The following UGT1A6 variants were observed in gnomAD, a reference collection of about 807,000 sequenced individuals.
The protein encoded by UGT1A6 is UDP-glucuronosyltransferase 1A6.
UGT1A6 carries 32 observed loss-of-function variants against 44.4 expected under a neutral mutation model. The observed-to-expected ratio is 0.72, with a 90% CI of 0.54 to 0.97. The LOEUF (loss-of-function observed/expected upper bound fraction) is 0.97, where lower values mean the gene tolerates loss of function less well. UGT1A6 is among the 50% of genes least tolerant of loss of function. The pLI is 0.00. For synonymous variants in UGT1A6, 238 were observed against 248.5 expected (o/e 0.96, Z 0.40); for missense variants, 685 against 661.9 (o/e 1.03, Z -0.38).
intron 1 of UGT1A6, among the ~76,000 whole-genome samples, chr2:233,695,121 T>TTTTCTTTTC (rs1181246228): frequency 3.7e-4 from 38 of 104,018 alleles, no homozygotes; most frequent in African/African-American, 1.3e-3. Flanking sequence ...TAACCAACCC[T>TTTTCTTTTC]TTTCTTTTCT....
chr2:233,750,185 T>G (rs1694383410), intron 1 of UGT1A6, among the ~76,000 whole-genome samples: 1 of 151,838 alleles, frequency 6.6e-6, no homozygotes, highest in African/African-American at 2.4e-5. Flanking sequence ...GATAATGTTG[T>G]GGACAATGAA....
rs573018562 is a variant in UGT1A6 at position 233,765,032 on chromosome 2, G to A, written c.862-2002G>A. On this transcript the variant is annotated intron_variant, in intron 1 of 4. Transcript: ENST00000305139. Reference sequence around the variant, plus strand: ...AATCAGGCTTGGCAGGAGTCCTGCTGTGCAAATTGCGTTTGCTGAGCCCTG... The same window carrying A: ...AATCAGGCTTGGCAGGAGTCCTGCTATGCAAATTGCGTTTGCTGAGCCCTG... 2.6e-5 allele frequency among the ~76,000 whole-genome samples: 4 copies of A among 152,152 alleles called. No homozygotes were observed. In the East Asian group the frequency reaches 7.7e-4, roughly 29 times the overall value.
chr2:233,765,693 AAAT>A (rs1266056248), intron 1 of UGT1A6, among the ~76,000 whole-genome samples: 9 of 147,360 alleles, frequency 6.1e-5, no homozygotes, highest in East Asian at 2.0e-4. Flanking sequence ...AACTTCAAGT[AAAT>A]AATAATAATA....
chr2:233,767,283 C>T (rs1575825850), intron 2 of UGT1A6, 118 bp downstream of exon 2: 2 of 1,571,702 alleles, frequency 1.3e-6, no homozygotes, highest in Non-Finnish European at 1.7e-6. Flanking sequence ...TTCCCTGCCA[C>T]TTCCCAACTA....
intron 2 of UGT1A6, 138 bp from the exon 3 acceptor site, chr2:233,767,711 C>A: frequency 2.6e-6 from 4 of 1,531,084 alleles, no homozygotes; most frequent in Non-Finnish European, 3.5e-6. Context: ...TCCTCAGAAG[C>A]CTTCACAGTT....
chr2:233,691,799 C>A (rs996955976), upstream of UGT1A6: 20 of 224,136 alleles, frequency 8.9e-5, no homozygotes, highest in Admixed American at 2.6e-4. Context: ...ACTTATACTT[C>A]TCAAATCTTA....
At chr2:233,698,897 C>T (rs1008517495) in intron 1 of UGT1A6, among the ~76,000 whole-genome samples, 2 of 152,370 alleles carry the variant, frequency 1.3e-5, no homozygotes. Context: ...TACCTGCCTC[C>T]TCTGCCCAAG....
In UGT1A6 at chr2:233,693,106, G is replaced by T; in HGVS notation, c.102G>T (p.Gln34His). Residue 34 changes from glutamine to histidine, a missense_variant, in exon 1 of 5, where the codon CAG becomes CAT. Gln to His is a conservative substitution (Grantham distance 24). Coordinates refer to ENST00000305139, the MANE Select transcript of UGT1A6 (RefSeq NM_001072.4). ...GTGACAAGCTGCTGGTGGTCCCTCA[G>T]GACGGAAGCCACTGGCTTAGTATGA... is the stretch of plus-strand genomic sequence containing the variant. Reference protein sequence around the residue: ...VVGDKLLVVPQDGSHWLSMKD... With the variant: ...VVGDKLLVVPHDGSHWLSMKD... The T allele has an allele frequency of 1.2e-6, 2 of 1,614,158 alleles. No individual in the cohort carries two copies. Among genetic ancestry groups the T allele is most frequent in the Non-Finnish European group, 8.5e-7 (1 of 1,180,036 alleles).
At chr2:233,741,446 CAGTG>C (rs1388534811) in intron 1 of UGT1A6, 2 of 149,546 alleles carry the variant, frequency 1.3e-5, no homozygotes, top group African/African-American at 2.6e-5. Flanking sequence ...GCAAACTACT[CAGTG>C]AGTATCTTCA....
chr2:233,716,347 A>G (rs553481332), intron 1 of UGT1A6, among the ~76,000 whole-genome samples: 2 of 152,336 alleles, frequency 1.3e-5, no homozygotes, highest in East Asian at 1.9e-4. Flanking sequence ...CGCAACTACA[A>G]TGTAGATACT....
intron 1 of UGT1A6, among the ~76,000 whole-genome samples, chr2:233,758,934 A>T (rs1366675557): frequency 1.3e-5 from 2 of 152,238 alleles, no homozygotes; most frequent in Non-Finnish European, 2.9e-5. Context: ...TTTTGACTTC[A>T]AATCAGTCAT....
chr2:233,761,904 G>A (rs887991064), intron 1 of UGT1A6, among the ~76,000 whole-genome samples: 2 of 152,234 alleles, frequency 1.3e-5, no homozygotes, highest in Non-Finnish European at 2.9e-5. Context: ...AAGATTGGCT[G>A]AGGATCTACT....
chr2:233,736,601 G>A (rs528906604), intron 1 of UGT1A6, among the ~76,000 whole-genome samples: 6 of 152,098 alleles, frequency 3.9e-5, no homozygotes, highest in Non-Finnish European at 8.8e-5. Flanking sequence ...TATGCGCTAT[G>A]GTTTTTAGAA....
chr2:233,731,227 AT>A (rs2078124721), intron 1 of UGT1A6, among the ~76,000 whole-genome samples: 1 of 151,928 alleles, frequency 6.6e-6, no homozygotes, highest in Non-Finnish European at 1.5e-5. Flanking sequence ...ATTTGTAAAA[AT>A]GTTGAAAAGT....
chr2:233,725,083 A>C (rs2077363375), intron 1 of UGT1A6, among the ~76,000 whole-genome samples: 1 of 145,276 alleles, frequency 6.9e-6, no homozygotes, highest in African/African-American at 2.6e-5. Flanking sequence ...GGCACTCGGC[A>C]GGCTGAGGCA....
chr2:233,703,303 AT>A (rs1225306249), intron 1 of UGT1A6, among the ~76,000 whole-genome samples: 1 of 148,452 alleles, frequency 6.7e-6, no homozygotes, highest in Non-Finnish European at 1.5e-5. Context: ...TCCCTCTTTC[AT>A]TTCATATTTT....
intron 1 of UGT1A6, chr2:233,740,766 G>T (rs189465133): frequency 6.6e-6 from 1 of 151,710 alleles, no homozygotes; most frequent in Admixed American, 6.5e-5. Context: ...TTATCAAACC[G>T]TTGTATAAAA....
At chr2:233,720,301 T>C (rs1312639671) in intron 1 of UGT1A6, among the ~76,000 whole-genome samples, 1 of 151,768 alleles carries the variant, frequency 6.6e-6, no homozygotes, top group Non-Finnish European at 1.5e-5. Flanking sequence ...GAGTTGGGGG[T>C]CTGGTGTATG....
intron 1 of UGT1A6, among the ~76,000 whole-genome samples, chr2:233,727,290 G>A (rs1306281777): frequency 6.6e-6 from 1 of 152,162 alleles, no homozygotes; most frequent in Non-Finnish European, 1.5e-5. Flanking sequence ...GGAAGCTGAT[G>A]ACTTGGGCAG....
Sources: allele counts gnomAD v4.1 joint callset (sites outside exome capture counted in the v4.1 genomes callset), GRCh38; gene constraint gnomAD v4.1.1; transcripts MANE v1.5; gene names NCBI Gene and HGNC (gene_info 2026-07-23, HGNC 2026-07-21).